Variants in PTPRG observed in about 807,000 individuals in gnomAD.
PTPRG encodes receptor-type tyrosine-protein phosphatase gamma.
Under a neutral mutation model 165.3 loss-of-function variants are expected in PTPRG, and 102 were observed. That is an observed-to-expected ratio of 0.62 (90% CI 0.53 to 0.73). PTPRG has a LOEUF of 0.73. Ranked by LOEUF, PTPRG falls within the 30% of genes least tolerant of loss-of-function variation. The pLI, the probability that PTPRG is intolerant of heterozygous loss-of-function variation, is 0.00. For synonymous variants in PTPRG, 675 were observed against 669.5 expected (o/e 1.01, Z -0.13); for missense variants, 1,866 against 1,861.4 (o/e 1.00, Z -0.05).
intron 1 of PTPRG, among the ~76,000 whole-genome samples, chr3:61,743,323 T>C (rs992858774): frequency 6.6e-6 from 1 of 152,208 alleles, no homozygotes; most frequent in African/African-American, 2.4e-5. Context: ...GTAAGCATCA[T>C]TGGCTAGTTA....
chr3:61,875,068 C>G (rs2037696845), intron 2 of PTPRG, among the ~76,000 whole-genome samples: 1 of 152,200 alleles, frequency 6.6e-6, no homozygotes, highest in South Asian at 2.1e-4. Context: ...GCCGCGAGCT[C>G]TTATCTAAAG....
At chr3:62,262,751 CCTTT>C in intron 16 of PTPRG, 43 bp from the exon 17 acceptor site, 1 of 1,432,666 alleles carries the variant, frequency 7.0e-7, no homozygotes, top group Non-Finnish European at 9.7e-7. Flanking sequence ...ATATGGTGTT[CCTTT>C]GTTTCTAAAC....
At chr3:61,789,171 C>T (rs898611724) in intron 2 of PTPRG, among the ~76,000 whole-genome samples, 1 of 152,182 alleles carries the variant, frequency 6.6e-6, no homozygotes, top group African/African-American at 2.4e-5. Flanking sequence ...AGGATCTCAG[C>T]TCACTGTAGC....
chr3:61,906,182 C>T (rs765810997), intron 2 of PTPRG, among the ~76,000 whole-genome samples: 2 of 151,410 alleles, frequency 1.3e-5, no homozygotes, highest in East Asian at 1.9e-4. Context: ...GGGCTGGGCT[C>T]GGTGGCTCAT....
At chr3:61,929,507 A>G (rs116210831) in intron 2 of PTPRG, among the ~76,000 whole-genome samples, 1,840 of 152,334 alleles carry the variant, frequency 0.012, 17 homozygotes, top group Non-Finnish European at 0.02. Context: ...TATGCTTTTC[A>G]TAATGGGCTT....
intron 2 of PTPRG, among the ~76,000 whole-genome samples, chr3:61,965,302 ACATGGTGAAACCC>A (rs2040245290): frequency 1.3e-5 from 2 of 151,712 alleles, no homozygotes; most frequent in Non-Finnish European, 1.5e-5. Context: ...CTCACACCCA[ACATGGTGAAACCC>A]CGTCTCTACT....
At chr3:62,193,164 G>A (rs183922328) in intron 9 of PTPRG, among the ~76,000 whole-genome samples, 56 of 152,308 alleles carry the variant, frequency 3.7e-4, no homozygotes, top group African/African-American at 1.3e-3. Flanking sequence ...AAGATGGCTT[G>A]CATTAATCAG....
At chr3:62,155,377 G>C (rs1028183615) in intron 6 of PTPRG, among the ~76,000 whole-genome samples, 1 of 152,152 alleles carries the variant, frequency 6.6e-6, no homozygotes, top group Non-Finnish European at 1.5e-5. Context: ...ACACTTCATA[G>C]AGTTGTGAAC....
chr3:62,206,912 C>CAAAAAAAAAAAAAAAAAAAAAAAA (rs556974355), intron 12 of PTPRG, among the ~76,000 whole-genome samples: 4 of 37,318 alleles, frequency 1.1e-4, no homozygotes, highest in African/African-American at 2.8e-4. Context: ...GACTCTGTCT[C>CAAAAAAAAAAAAAAAAAAAAAAAA]AAAAAAAAAA....
chr3:61,700,779 C>T (rs1232590088), intron 1 of PTPRG, among the ~76,000 whole-genome samples: 1 of 152,176 alleles, frequency 6.6e-6, no homozygotes, highest in Non-Finnish European at 1.5e-5. Context: ...TTTTCACACT[C>T]ATGTTCAGCT....
chr3:61,677,202 A>G (rs1343777574), intron 1 of PTPRG, among the ~76,000 whole-genome samples: 1 of 146,646 alleles, frequency 6.8e-6, no homozygotes, highest in Non-Finnish European at 1.5e-5. Context: ...CCCAGATCGC[A>G]CCACTGCACT....
intron 2 of PTPRG, among the ~76,000 whole-genome samples, chr3:61,980,625 T>G (rs2040618328): frequency 6.6e-6 from 1 of 152,218 alleles, no homozygotes; most frequent in Non-Finnish European, 1.5e-5. Flanking sequence ...TTGGTCTTCT[T>G]AAACCACCAT....
At chr3:62,189,142 C>A (rs1210684780) in intron 8 of PTPRG, among the ~76,000 whole-genome samples, 2 of 152,100 alleles carry the variant, frequency 1.3e-5, no homozygotes, top group African/African-American at 4.8e-5. Context: ...CGTGATGCCT[C>A]CCAGGGGTTC....
intron 2 of PTPRG, among the ~76,000 whole-genome samples, chr3:61,806,366 C>T (rs2035417635): frequency 6.6e-6 from 1 of 152,122 alleles, no homozygotes; most frequent in Non-Finnish European, 1.5e-5. Flanking sequence ...GTAAAGCCTC[C>T]CTGGAATGAT....
In PTPRG at chr3:62,085,006, A is replaced by G. The variant is rs1701701275; in HGVS notation, c.615+6748A>G. The stretch of plus-strand genomic sequence containing the variant: ...GCTTATTAGCTACAAATTATAAAAA[A>G]TAGGCATTAGGGGGTAGAGCCTGAG... On this transcript the variant is annotated intron_variant, in intron 5 of 29. Coordinates refer to ENST00000474889, the MANE Select transcript of PTPRG (RefSeq NM_002841.4). Among the ~76,000 whole-genome samples the G allele has an allele frequency of 2.0e-5, 3 of 152,216 alleles. No individual in the cohort carries two copies. The South Asian group carries it at 6.2e-4, about 32-fold the overall frequency.
At chr3:61,775,489 A>C (rs2034349682) in intron 2 of PTPRG, among the ~76,000 whole-genome samples, 1 of 152,212 alleles carries the variant, frequency 6.6e-6, no homozygotes, top group Non-Finnish European at 1.5e-5. Context: ...ATCGTATTAA[A>C]ATAATGTTAC....
At chr3:61,871,163 G>GTGTTATGTTATGTTATGTTATGTTA (rs201503322) in intron 2 of PTPRG, among the ~76,000 whole-genome samples, 2 of 116,660 alleles carry the variant, frequency 1.7e-5, no homozygotes, top group East Asian at 2.4e-4. Context: ...GTGTTGTGTT[G>GTGTTATGTTATGTTATGTTATGTTA]TGTTATGTTA....
chr3:61,875,531 T>C (rs1346391706), intron 2 of PTPRG, among the ~76,000 whole-genome samples: 1 of 152,100 alleles, frequency 6.6e-6, no homozygotes, highest in Non-Finnish European at 1.5e-5. Context: ...TTGAAAGAGA[T>C]GTTTGCTCTA....
At chr3:61,884,152 T>G (rs1214788301) in intron 2 of PTPRG, among the ~76,000 whole-genome samples, 2 of 152,196 alleles carry the variant, frequency 1.3e-5, no homozygotes, top group African/African-American at 2.4e-5. Context: ...GTTTTACATT[T>G]TTTCTCCTGA....
Sources: gnomAD v4.1 joint callset for allele counts (sites outside exome capture counted in the v4.1 genomes callset) on GRCh38, gnomAD v4.1.1 for gene constraint, MANE v1.5 for transcripts, NCBI Gene and HGNC (gene_info 2026-07-23, HGNC 2026-07-21) for gene names.